Variants in TDRD12 observed in about 807,000 individuals in gnomAD.
TDRD12 encodes the protein putative ATP-dependent RNA helicase TDRD12.
A neutral mutation model predicts 133.5 loss-of-function variants in TDRD12; 158 were observed. That is an observed-to-expected ratio of 1.18 (90% CI 1.04 to 1.35). TDRD12 has a LOEUF of 1.35. Ranked by LOEUF, TDRD12 falls within the 40% of genes most tolerant of loss-of-function variation. The probability of loss-of-function intolerance (pLI) is 0.00; values close to 1 mark genes in which losing one functional copy is unlikely to be tolerated. For synonymous variants in TDRD12, 460 were observed against 477.9 expected, an observed-to-expected ratio of 0.96 and a Z score of 0.49; for missense variants, 1,443 against 1,321.3, an observed-to-expected ratio of 1.09 and a Z score of -1.43.
At chr19:32,767,193 ATC>A (rs1970323934) in intron 8 of TDRD12, among the ~76,000 whole-genome samples, 2 of 151,310 alleles carry the variant, frequency 1.3e-5, no homozygotes, top group African/African-American at 4.9e-5. Flanking sequence ...CAGTGGCGCC[ATC>A]TCAGCTCACT....
chr19:32,719,843 T>C (rs866817127), exon 1 of TDRD12: 93 of 588,098 alleles, frequency 1.6e-4, no homozygotes, highest in African/African-American at 1.4e-3. Flanking sequence ...AGCGAGGGGC[T>C]GGTTACTGCC....
rs1970499830 is a variant in TDRD12 at position 32,773,653 on chromosome 19, G to A, written c.1040+121G>A. 2.2e-5 allele frequency: 15 copies of A among 689,556 alleles called. No homozygotes were observed. The East Asian group carries it at 3.1e-4, about 14-fold the overall frequency. The allele number at this position is 689,556 out of a possible 1,614,324, so 42.7% of individuals were successfully genotyped here. A position where few individuals can be genotyped will look rare whatever the true frequency, so the allele number is the denominator to read the frequency against. On this transcript the variant is annotated intron_variant, in intron 10 of 27. Transcript: ENST00000444215. ...GTCGAGGCTTCAGTGAGCTATGATC[G>A]TACCACTGTACTCCAGCCTGGGTGA...
At position 32,777,159 on chromosome 19, in the gene TDRD12, C is replaced by T. The variant is rs896277892; in HGVS notation, c.1051C>T (p.Gln351Ter). 4 of 1,537,862 alleles carry T rather than the reference C, an allele frequency of 2.6e-6. No homozygotes were observed. Among genetic ancestry groups the T allele is most frequent in the Non-Finnish European group, 3.5e-6 (4 of 1,142,360 alleles). ...TTTTTTCATTTCTAGTGCTTTAAGT[C>T]AGAAGTCAAATGAGAAACCTCTTAG... Residue 351 changes from glutamine to a stop codon, truncating the protein, a stop_gained, in exon 11 of 28, where the codon CAG becomes TAG. Coordinates refer to ENST00000444215, the Ensembl canonical transcript of TDRD12. LOFTEE classifies it high-confidence loss of function.
chr19:32,734,086 G>A (rs1275364408), intron 2 of TDRD12, among the ~76,000 whole-genome samples: 1 of 151,668 alleles, frequency 6.6e-6, no homozygotes, highest in Non-Finnish European at 1.5e-5. Context: ...TAGTAGAGAT[G>A]GGATTTCACC....
At chr19:32,800,400 T>C in intron 17 of TDRD12, 42 bp downstream of exon 17, 1 of 1,392,740 alleles carries the variant, frequency 7.2e-7, no homozygotes, top group Middle Eastern at 1.9e-4. Flanking sequence ...TGTGTGTGTG[T>C]GTATGTGTTG....
intron 7 of TDRD12, 67 bp downstream of exon 7, chr19:32,756,248 T>G: frequency 2.3e-6 from 3 of 1,296,296 alleles, no homozygotes; most frequent in Non-Finnish European, 3.0e-6. Context: ...TGTATAGATA[T>G]AAGTTGTACA....
intron 16 of TDRD12, among the ~76,000 whole-genome samples, chr19:32,799,826 C>G (rs1333063585): frequency 3.3e-5 from 5 of 149,850 alleles, no homozygotes; most frequent in Non-Finnish European, 5.9e-5. Context: ...CCTCCACCTC[C>G]CGGGTTCAGG....
In TDRD12 at chr19:32,766,491, T is replaced by C. The variant is rs536897335; in HGVS notation, c.866-6262T>C. ...GTATTGATATTGTTGGCTCTTAATC[T>C]AGCATCTTGCTGTTAGTTTTCTGTT... On this transcript the variant is annotated intron_variant, in intron 8 of 27. Transcript: ENST00000444215. Among the ~76,000 whole-genome samples the C allele has an allele frequency of 2.0e-5, 3 of 152,360 alleles. No homozygotes were observed. In the South Asian group the frequency reaches 6.2e-4, roughly 32 times the overall value.
rs1476618812 is a variant in TDRD12 at position 32,802,919 on chromosome 19, C to T, written c.2332-3C>T. 2.0e-6 allele frequency: 3 copies of T among 1,533,050 alleles called. No individual in the cohort carries two copies. The highest frequency in any genetic ancestry group is 1.7e-6 in the Non-Finnish European group (2 of 1,145,292). 95.0% of individuals were successfully genotyped at this position (1,533,050 alleles called of 1,614,324 possible). ...ACTTCCTTTATTCACCCCCAATTTT[C>T]AGGGTTCTCCTGCAGAACAGGGAGA... On this transcript the variant is annotated splice_region_variant and splice_polypyrimidine_tract_variant and intron_variant, in intron 20 of 27. Transcript: ENST00000444215.
Position 32,815,544 on chromosome 19 carries a change from G to A in TDRD12, c.3238G>A (p.Glu1080Lys), listed in dbSNP as rs549797599. Residue 1080 changes from glutamate (E) to lysine (K), a missense_variant, in exon 26 of 28, where the codon GAA becomes AAA. Coordinates refer to ENST00000444215, the Ensembl canonical transcript of TDRD12. The stretch of plus-strand genomic sequence containing the variant: ...CATGGGCATGGGCATTGATAATCCA[G>A]AACACATAGAACAACTGAAAAAATT... 1.6e-4 allele frequency: 246 copies of A among 1,536,350 alleles called. 4 individuals are homozygous for A. In the South Asian group the frequency reaches 2.1e-3, roughly 13 times the overall value.
chr19:32,766,240 T>G (rs1178669501), intron 8 of TDRD12, among the ~76,000 whole-genome samples: 2 of 152,174 alleles, frequency 1.3e-5, no homozygotes, highest in East Asian at 3.8e-4. Context: ...CATTTAAAAT[T>G]TTTGTGGGCA....
At position 32,775,885 on chromosome 19, in the gene TDRD12, T is replaced by C. The variant is rs75896710; in HGVS notation, c.1041-1264T>C. Among the ~76,000 whole-genome samples, 423 of 152,296 alleles carry C rather than the reference T, an allele frequency of 2.8e-3. 1 individual carries two copies. Among genetic ancestry groups the C allele is most frequent in the African/African-American group, 9.4e-3 (391 of 41,564 alleles). ...CTCACTCTGGATATTTTGAATGTTA[T>C]GTTGCGAGATTCTGGTTTCTGTTAA... On this transcript the variant is annotated intron_variant, in intron 10 of 27. Transcript: ENST00000444215.
At chr19:32,790,878 A>G in intron 12 of TDRD12, 86 bp from the exon 13 acceptor site, 2 of 1,479,568 alleles carry the variant, frequency 1.4e-6, no homozygotes, top group Non-Finnish European at 1.8e-6. Flanking sequence ...TGAAATCTAT[A>G]TTTTCTTCAT....
intron 6 of TDRD12, among the ~76,000 whole-genome samples, chr19:32,753,958 A>T (rs978418717): frequency 6.6e-6 from 1 of 152,308 alleles, no homozygotes; most frequent in African/African-American, 2.4e-5. Context: ...CAAAATTTGT[A>T]TTTAGTCTTC....
At chr19:32,757,881 A>G (rs964166063) in intron 8 of TDRD12, among the ~76,000 whole-genome samples, 2 of 152,224 alleles carry the variant, frequency 1.3e-5, no homozygotes, top group Non-Finnish European at 2.9e-5. Context: ...AGCTTTAGCC[A>G]ACTAAAATAT....
chr19:32,802,122 TC>T (rs1348813791), intron 19 of TDRD12, among the ~76,000 whole-genome samples: 2 of 146,952 alleles, frequency 1.4e-5, no homozygotes, highest in Non-Finnish European at 3.0e-5. Context: ...AGCTTGAGGA[TC>T]ACTATCATAT....
intron 8 of TDRD12, among the ~76,000 whole-genome samples, chr19:32,763,307 T>C (rs1322641124): frequency 6.6e-6 from 1 of 152,174 alleles, no homozygotes; most frequent in Non-Finnish European, 1.5e-5. Flanking sequence ...GGGAAATAAA[T>C]GTCTAGAGCC....
At chr19:32,751,015 G>A (rs182074651) in intron 6 of TDRD12, among the ~76,000 whole-genome samples, 292 of 152,186 alleles carry the variant, frequency 1.9e-3, no homozygotes, top group African/African-American at 6.7e-3. Context: ...AGGTAAACAT[G>A]TTCCATGGTA....
At chr19:32,803,449 G>A (rs995765044) in intron 21 of TDRD12, among the ~76,000 whole-genome samples, 2 of 152,178 alleles carry the variant, frequency 1.3e-5, no homozygotes, top group African/African-American at 4.8e-5. Flanking sequence ...TCTATGGTTT[G>A]TTTTATAGCT....
Sources: allele counts gnomAD v4.1 joint callset (sites outside exome capture counted in the v4.1 genomes callset), GRCh38; gene constraint gnomAD v4.1.1; transcripts MANE v1.5; gene names NCBI Gene and HGNC (gene_info 2026-07-23, HGNC 2026-07-21).